The following TAB1 variants were observed in gnomAD, a reference collection of about 807,000 sequenced individuals.
TAB1 encodes TGF-beta-activated kinase 1 and MAP3K7-binding protein 1.
TAB1 carries 30 observed loss-of-function variants against 54.5 expected under a neutral mutation model. The observed-to-expected ratio is 0.55, with a 90% CI of 0.41 to 0.75. TAB1 has a LOEUF of 0.75. Among genes scored for constraint, TAB1 ranks in the 30% least tolerant of loss-of-function variants. TAB1 has a pLI of 0.00. For synonymous variants in TAB1, 289 were observed against 286.9 expected (o/e 1.01, Z -0.07); for missense variants, 609 against 683.2 (o/e 0.89, Z 1.21).
chr22:39,411,416 A>G (rs1202347334), intron 1 of TAB1, among the ~76,000 whole-genome samples: 1 of 152,264 alleles, frequency 6.6e-6, no homozygotes, highest in Non-Finnish European at 1.5e-5. Context: ...AAAATAACCT[A>G]ATTTAAAAAT....
Position 39,415,953 on chromosome 22 carries a change from G to A in TAB1, c.324+300G>A, listed in dbSNP as rs1926815963. On this transcript the variant is annotated intron_variant, in intron 3 of 10. Coordinates refer to ENST00000216160, the MANE Select transcript of TAB1 (RefSeq NM_006116.3). The surrounding 1 kb of genome is among the most constrained non-coding windows in gnomAD (Gnocchi z 4.9). ...CAGGGCAAGGCCTGGTAGAAATGGG[G>A]TCATTTAGAGCTACCCCTTTCTTTC... is the stretch of plus-strand genomic sequence containing the variant. Among the ~76,000 whole-genome samples the A allele has an allele frequency of 6.6e-6, 1 of 152,184 alleles. No homozygotes were observed. The highest frequency in any genetic ancestry group is 2.1e-4 in the South Asian group (1 of 4,828).
intron 6 of TAB1, among the ~76,000 whole-genome samples, chr22:39,419,240 T>C (rs1926965397): frequency 6.6e-6 from 1 of 152,160 alleles, no homozygotes; most frequent in African/African-American, 2.4e-5. Flanking sequence ...TCCAGGCAGA[T>C]GTGGGGCACA....
chr22:39,433,694 ATGCCCGTGTCGGGATGTTCC>A, downstream of TAB1: 1 of 985,406 alleles, frequency 1.0e-6, no homozygotes, highest in Non-Finnish European at 1.2e-6. Flanking sequence ...GCTCCCCACG[ATGCCCGTGTCGGGATGTTCC>A]TGCCAGTGGC....
intron 1 of TAB1, among the ~76,000 whole-genome samples, chr22:39,406,894 A>G (rs1206031448): frequency 6.6e-6 from 1 of 152,048 alleles, no homozygotes; most frequent in African/African-American, 2.4e-5. Context: ...TGGCCTCCCA[A>G]AGTGCTGGGA....
intron 8 of TAB1, among the ~76,000 whole-genome samples, chr22:39,422,400 C>CTTTTTTTTTTTTT (rs965591327): frequency 1.1e-5 from 1 of 88,522 alleles, no homozygotes; most frequent in Non-Finnish European, 2.2e-5. Flanking sequence ...CTTCTCATTT[C>CTTTTTTTTTTTTT]TTTTTTTTTT....
chr22:39,413,786 TA>T (rs1247824879), intron 1 of TAB1, among the ~76,000 whole-genome samples: 1 of 152,192 alleles, frequency 6.6e-6, no homozygotes, highest in Non-Finnish European at 1.5e-5. Context: ...CAGTTTGCTG[TA>T]GTTCTGCATG....
intron 1 of TAB1, among the ~76,000 whole-genome samples, chr22:39,405,240 T>C (rs1926311680): frequency 6.6e-6 from 1 of 152,254 alleles, no homozygotes; most frequent in Non-Finnish European, 1.5e-5. Flanking sequence ...GCTTACATCA[T>C]GCACAGGGTG....
At chr22:39,423,198 C>G (rs763681255) in intron 8 of TAB1, among the ~76,000 whole-genome samples, 1 of 152,126 alleles carries the variant, frequency 6.6e-6, no homozygotes, top group Non-Finnish European at 1.5e-5. Context: ...CTGTATCGCC[C>G]AGGTTAATCT....
chr22:39,424,693 C>G (rs971010746), intron 8 of TAB1, among the ~76,000 whole-genome samples: 22 of 152,152 alleles, frequency 1.4e-4, no homozygotes, highest in African/African-American at 4.8e-4. Context: ...GATGATCCAC[C>G]TGCCTTGGCC....
chr22:39,414,690 C>T (rs1019214948), intron 1 of TAB1: 12 of 304,396 alleles, frequency 3.9e-5, no homozygotes, highest in Admixed American at 9.5e-5. Context: ...GAGTTTCCTG[C>T]CAAGAGTCTG....
At chr22:39,435,839 C>T (rs1158516168), downstream of TAB1, among the ~76,000 whole-genome samples, 1 of 152,176 alleles carries the variant, frequency 6.6e-6, no homozygotes, top group Non-Finnish European at 1.5e-5. Flanking sequence ...TCCCATCTTC[C>T]AGCCTGCCCC....
rs150258888 is a variant in TAB1 at position 39,426,754 on chromosome 22, G to A, written c.973G>A (p.Ala325Thr). The A allele has an allele frequency of 5.9e-5, 95 of 1,613,262 alleles. No individual in the cohort carries two copies. The highest frequency in any genetic ancestry group is 7.9e-5 in the Non-Finnish European group (93 of 1,179,440). ...GTTTGCCAAGCAGACCTCCCTGGAC[G>A]CAGTGGCCCAGGCCGTCGTGGACCG... ...TEFAKQTSLD[A>T]VAQAVVDRVK... Residue 325 changes from alanine (A) to threonine (T), a missense_variant, in exon 9 of 11, where the codon GCA becomes ACA. Transcript: ENST00000216160.
chr22:39,425,618 G>A (rs1400291492), intron 8 of TAB1, among the ~76,000 whole-genome samples: 3 of 150,902 alleles, frequency 2.0e-5, no homozygotes, highest in South Asian at 2.1e-4. Flanking sequence ...GCAGTGGCTC[G>A]ATCTGGGCTT....
downstream of TAB1, chr22:39,436,681 C>T (rs1455816058): frequency 3.1e-5 from 27 of 883,718 alleles, no homozygotes; most frequent in East Asian, 6.2e-4. Flanking sequence ...CCAGGCCCCG[C>T]CCCCTCCCCG....
chr22:39,411,583 T>C, intron 1 of TAB1, among the ~76,000 whole-genome samples: 1 of 152,130 alleles, frequency 6.6e-6, no homozygotes, highest in East Asian at 1.9e-4. Context: ...AAAAAGACAA[T>C]ACCACATGGT....
chr22:39,407,394 T>C (rs189133587), intron 1 of TAB1, among the ~76,000 whole-genome samples: 11 of 152,338 alleles, frequency 7.2e-5, no homozygotes, highest in African/African-American at 2.6e-4. Flanking sequence ...TCTCATTCTT[T>C]ACTCTGTCTA....
At chr22:39,437,056 A>T (rs1365737830), downstream of TAB1, 2 of 154,260 alleles carry the variant, frequency 1.3e-5, no homozygotes, top group Non-Finnish European at 2.9e-5. Flanking sequence ...CTGCAAAAAA[A>T]AAATTAAAAT....
In TAB1 at chr22:39,426,842, G is replaced by T. The variant is rs201015030; in HGVS notation, c.1061G>T (p.Arg354Leu). 6.2e-7 allele frequency: 1 copy of T among 1,613,646 alleles called. No individual in the cohort carries two copies. The change falls in exon 9 of 11, where the codon CGG becomes CTG. Residue 354 changes from arginine to leucine, a missense_variant. Physicochemically the swap from Arg to Leu is moderately radical, Grantham distance 102. Coordinates refer to ENST00000216160, the MANE Select transcript of TAB1 (RefSeq NM_006116.3). The stretch of plus-strand genomic sequence containing the variant: ...GGGGAGCGTGCCAGGTTCTGCCCCC[G>T]GCACGAGGACATGACCCTGCTAGTG... The part of the protein sequence containing the change: ...SGGERARFCP[R>L]HEDMTLLVRN...
At chr22:39,414,960 C>T (rs1410727809) in intron 1 of TAB1, 46 bp from the exon 2 acceptor site, 5 of 1,611,350 alleles carry the variant, frequency 3.1e-6, no homozygotes, top group Non-Finnish European at 4.2e-6. Context: ...GGGGACTACC[C>T]TGCAGACGCG....
Sources: gnomAD v4.1 joint callset for allele counts (sites outside exome capture counted in the v4.1 genomes callset) on GRCh38, gnomAD v4.1.1 for gene constraint, Gnocchi (gnomAD v3.1) non-coding constraint, MANE v1.5 for transcripts, NCBI Gene and HGNC (gene_info 2026-07-23, HGNC 2026-07-21) for gene names.